The following CLNK variants were observed in gnomAD, a reference collection of about 807,000 sequenced individuals.
CLNK encodes the protein cytokine-dependent hematopoietic cell linker.
In CLNK, 74 loss-of-function variants were observed where a neutral mutation model predicts 68.6. The ratio of observed to expected loss-of-function variants is 1.08; its 90% CI spans 0.89 to 1.31. The LOEUF (loss-of-function observed/expected upper bound fraction) is 1.31, where lower values mean the gene tolerates loss of function less well. Ranked by LOEUF, CLNK falls within the 50% of genes most tolerant of loss-of-function variation. CLNK has a pLI of 0.00. For missense variants in CLNK, 553 were observed against 515.3 expected (o/e 1.07, Z -0.71); for synonymous variants, 198 against 172.2 (o/e 1.15, Z -1.17).
chr4:10,690,454 G>A, the CLNK span, among the ~76,000 whole-genome samples: 2 of 152,074 alleles, frequency 1.3e-5, no homozygotes, highest in African/African-American at 4.8e-5. Context: ...TGTGAATGTA[G>A]AAAGAGCTGT....
chr4:10,614,692 T>C (rs1722159572), intron 2 of CLNK, among the ~76,000 whole-genome samples: 1 of 152,232 alleles, frequency 6.6e-6, no homozygotes, highest in Admixed American at 6.5e-5. Context: ...TTGGAGGAAG[T>C]TGATGTGATC....
chr4:10,537,536 C>T (rs1237475669), intron 11 of CLNK, among the ~76,000 whole-genome samples: 1 of 152,028 alleles, frequency 6.6e-6, no homozygotes, highest in Non-Finnish European at 1.5e-5. Context: ...TTCTGGATAC[C>T]TAATTCTGCC....
At chr4:10,670,465 G>A (rs1388965682) in intron 1 of CLNK, among the ~76,000 whole-genome samples, 4 of 152,182 alleles carry the variant, frequency 2.6e-5, no homozygotes, top group Admixed American at 2.6e-4. Flanking sequence ...CCTGGATCTT[G>A]GCCAGTTCTT....
chr4:10,695,793 C>G, the CLNK span, among the ~76,000 whole-genome samples: 1 of 152,180 alleles, frequency 6.6e-6, no homozygotes. Flanking sequence ...ATTTATTACC[C>G]CTATAGAGCA....
At chr4:10,558,112 A>G (rs1719745303) in intron 8 of CLNK, among the ~76,000 whole-genome samples, 1 of 152,236 alleles carries the variant, frequency 6.6e-6, no homozygotes, top group African/African-American at 2.4e-5. Flanking sequence ...TGGAGAGATA[A>G]CATGATTATA....
chr4:10,604,254 G>T (rs1321178928), intron 2 of CLNK, among the ~76,000 whole-genome samples: 1 of 152,192 alleles, frequency 6.6e-6, no homozygotes, highest in Non-Finnish European at 1.5e-5. Flanking sequence ...TGGTAATTGA[G>T]ATATTTCAGC....
In CLNK at chr4:10,501,289, C is replaced by G. The variant is rs1717035780; in HGVS notation, c.1107G>C (p.Gln369His). 6.2e-7 allele frequency: 1 copy of G among 1,602,908 alleles called. No homozygotes were observed. The highest frequency in any genetic ancestry group is 1.8e-5 in the Admixed American group (1 of 56,808). Residue 369 changes from glutamine (Q) to histidine (H), a missense_variant, in exon 18 of 19, where the codon CAG becomes CAC. By Grantham distance (24) the Gln-to-His change is conservative. Transcript: ENST00000226951. Reference protein sequence around the residue: ...VKIRFLERNQQFALGTGLRGD... With the variant: ...VKIRFLERNQHFALGTGLRGD... ...CTCTGAGTCCTGTCCCCAGGGCAAA[C>G]TGCTGATTCCTCTCCAGGAAGCGTA...
intron 2 of CLNK, among the ~76,000 whole-genome samples, chr4:10,649,764 TC>T (rs1361299854): frequency 7.1e-6 from 1 of 140,894 alleles, no homozygotes; most frequent in African/African-American, 2.7e-5. Context: ...TTTTAATAGT[TC>T]CTTTAGGCAC....
intron 3 of CLNK, among the ~76,000 whole-genome samples, chr4:10,588,952 ATCAGT>A (rs1480370238): frequency 9.2e-5 from 14 of 152,152 alleles, no homozygotes; most frequent in African/African-American, 3.4e-4. Context: ...ATGAGGAGAT[ATCAGT>A]CAAAGGGTAC....
chr4:10,632,941 G>C (rs77372758), intron 2 of CLNK, among the ~76,000 whole-genome samples: 1 of 152,274 alleles, frequency 6.6e-6, no homozygotes, highest in East Asian at 1.9e-4. Flanking sequence ...ACAGAGAAAA[G>C]ATAAGCATTT....
At chr4:10,556,875 C>T (rs948136810) in intron 8 of CLNK, among the ~76,000 whole-genome samples, 83 of 151,846 alleles carry the variant, frequency 5.5e-4, no homozygotes, top group Middle Eastern at 3.4e-3. Context: ...CAGGAGTTCG[C>T]GACCAGCCTG....
the CLNK span, among the ~76,000 whole-genome samples, chr4:10,700,004 A>ATGTGTGTGTGTGTGTGTGTGTGTG: frequency 6.9e-6 from 1 of 145,094 alleles, no homozygotes; most frequent in African/African-American, 2.6e-5. Context: ...GTGTGTGCAT[A>ATGTGTGTGTGTGTGTGTGTGTGTG]TGTGTGTGTG....
At chr4:10,654,081 A>T (rs1723860663) in intron 2 of CLNK, among the ~76,000 whole-genome samples, 1 of 149,812 alleles carries the variant, frequency 6.7e-6, no homozygotes, top group Non-Finnish European at 1.5e-5. Context: ...ATTGGGAAAT[A>T]CACTGCAACT....
At chr4:10,582,356 A>C (rs1439540706) in intron 4 of CLNK, among the ~76,000 whole-genome samples, 7 of 152,218 alleles carry the variant, frequency 4.6e-5, no homozygotes, top group African/African-American at 1.7e-4. Flanking sequence ...GGAAAAATCA[A>C]CCTTGAAGAC....
chr4:10,716,204 C>CT, the CLNK span, among the ~76,000 whole-genome samples: 1 of 152,124 alleles, frequency 6.6e-6, no homozygotes, highest in Non-Finnish European at 1.5e-5. Context: ...ATTTGTATGA[C>CT]TTTTTTCTTT....
chr4:10,727,367 A>G, the CLNK span, among the ~76,000 whole-genome samples: 345 of 152,344 alleles, frequency 2.3e-3, 1 homozygote, highest in Middle Eastern at 3.4e-3. Flanking sequence ...CTGAAAGATC[A>G]TTTCGTCAGT....
the CLNK span, among the ~76,000 whole-genome samples, chr4:10,701,184 A>G: frequency 6.6e-6 from 1 of 152,180 alleles, no homozygotes; most frequent in African/African-American, 2.4e-5. Context: ...TTGACAAGGA[A>G]ATACTTAAAC....
chr4:10,558,293 TAGA>T (rs745565875), intron 8 of CLNK, 111 bp downstream of exon 8: 1 of 810,702 alleles, frequency 1.2e-6, no homozygotes, highest in Non-Finnish European at 2.1e-6. Context: ...TGTAATTCAA[TAGA>T]TCACCTTGTG....
intron 2 of CLNK, among the ~76,000 whole-genome samples, chr4:10,626,407 C>A (rs1329437172): frequency 6.6e-6 from 1 of 152,168 alleles, no homozygotes. Context: ...TCTTGAATGT[C>A]ATTTATTCGC....
Sources: allele counts gnomAD v4.1 joint callset (sites outside exome capture counted in the v4.1 genomes callset), GRCh38; gene constraint gnomAD v4.1.1; transcripts MANE v1.5; gene names NCBI Gene and HGNC (gene_info 2026-07-23, HGNC 2026-07-21).